The following TRIP13 variants were observed in gnomAD, a reference collection of about 807,000 sequenced individuals.
The protein encoded by TRIP13 is thyroid hormone receptor interactor 13, also known as pachytene checkpoint protein 2 homolog.
A neutral mutation model predicts 54.4 loss-of-function variants in TRIP13; 25 were observed. The observed-to-expected ratio is 0.46, with a 90% confidence interval of 0.33 to 0.64. The LOEUF is 0.64. Among genes scored for constraint, TRIP13 ranks in the 30% least tolerant of loss-of-function variants. The pLI, the probability that TRIP13 is intolerant of heterozygous loss-of-function variation, is 0.02. For synonymous variants in TRIP13, 207 were observed against 207.8 expected, an observed-to-expected ratio of 1.00 and a Z score of 0.03; for missense variants, 373 against 534.2, an observed-to-expected ratio of 0.70 and a Z score of 2.97.
In TRIP13 at chr5:913,213, C is replaced by G. The variant is rs1301597256; in HGVS notation, c.1020+1217C>G. ...GGAAGTCGTGTGTGTTGGAGGTCCT[C>G]ACGCACCTTCAGTGTGGGTTCCAGC... On this transcript the variant is annotated intron_variant, in intron 10 of 12. Transcript: ENST00000166345. This position sits in a 1 kb window ranked among gnomAD's most constrained non-coding sequence, Gnocchi z 4.5. Among the ~76,000 whole-genome samples the G allele has an allele frequency of 1.3e-5, 2 of 152,222 alleles. No individual in the cohort carries two copies. The highest frequency in any genetic ancestry group is 2.9e-5 in the Non-Finnish European group (2 of 68,038).
chr5:911,759 C>T lies in TRIP13; in HGVS notation c.867-84C>T, dbSNP rs1754237683. On this transcript the variant is annotated intron_variant, in intron 9 of 12. Transcript: ENST00000166345. This position sits in a 1 kb window ranked among gnomAD's most constrained non-coding sequence, Gnocchi z 4.7. The stretch of plus-strand genomic sequence containing the variant: ...GGCAGCCTGCTGGCCATCGTCCTGC[C>T]AACCTCCTTGCCAGATAGGGCAGGA... The T allele has an allele frequency of 6.6e-7, 1 of 1,507,834 alleles. No individual in the cohort carries two copies. The highest frequency in any genetic ancestry group is 2.3e-5 in the Admixed American group (1 of 44,276). The allele number at this position is 1,507,834 out of a possible 1,614,324, so 93.4% of individuals were successfully genotyped here.
intron 1 of TRIP13, among the ~76,000 whole-genome samples, chr5:894,580 C>T (rs1753860383): frequency 6.6e-6 from 1 of 152,182 alleles, no homozygotes; most frequent in South Asian, 2.1e-4. Flanking sequence ...TAACTGGGAG[C>T]TGAGGCACAG....
intron 3 of TRIP13, 60 bp from the exon 4 acceptor site, chr5:900,434 T>A (rs547382148): frequency 1.3e-6 from 2 of 1,563,136 alleles, no homozygotes; most frequent in South Asian, 2.2e-5. Flanking sequence ...GGAGACTGAC[T>A]GGGGGTGGCT....
rs758036622 is a variant in TRIP13 at position 901,454 on chromosome 5, T to A, written c.535+23T>A. Reference sequence around the variant, plus strand: ...ACGGTAAATTATGCAGGCTTTTATTTGACCAGATAAGTGGCATGAAATTTA... The same window carrying A: ...ACGGTAAATTATGCAGGCTTTTATTAGACCAGATAAGTGGCATGAAATTTA... On this transcript the variant is annotated intron_variant, in intron 5 of 12. Coordinates refer to ENST00000166345, the MANE Select transcript of TRIP13 (RefSeq NM_004237.4). 6.8e-6 allele frequency: 11 copies of A among 1,610,598 alleles called. No individual in the cohort carries two copies. In the South Asian group the frequency reaches 1.2e-4, roughly 18 times the overall value.
chr5:895,293 C>T (rs1227983380), intron 2 of TRIP13, among the ~76,000 whole-genome samples: 1 of 152,140 alleles, frequency 6.6e-6, no homozygotes, highest in Admixed American at 6.5e-5. Context: ...GTGCTAGGAC[C>T]ATAGGAGGTG....
chr5:904,123 A>G (rs775764592), intron 5 of TRIP13, 25 bp from the exon 6 acceptor site: 19 of 1,593,778 alleles, frequency 1.2e-5, no homozygotes, highest in South Asian at 3.5e-5. Context: ...ACTTAAAAAT[A>G]TATTTGCTTG....
downstream of TRIP13, among the ~76,000 whole-genome samples, chr5:918,810 C>T (rs561928196): frequency 1.1e-3 from 165 of 152,254 alleles, no homozygotes; most frequent in East Asian, 9.7e-4. The surrounding 1 kb of genome is among the most constrained non-coding windows in gnomAD (Gnocchi z 4.3). Flanking sequence ...AGGCCCGTCT[C>T]GCCTTTTCAC....
chr5:894,776 T>TC lies in TRIP13; in HGVS notation c.93-10dup. The TC allele has an allele frequency of 2.5e-6, 4 of 1,588,138 alleles. No individual in the cohort carries two copies. The highest frequency in any genetic ancestry group is 3.4e-6 in the Non-Finnish European group (4 of 1,169,754). ...AAGATCATTTATGTGTGTTTTGGCT[T>TC]CTTTTTTTAGCACTGCAAAGAAAGA... is the stretch of plus-strand genomic sequence containing the variant. On this transcript the variant is annotated splice_polypyrimidine_tract_variant and intron_variant, in intron 1 of 12. Coordinates refer to ENST00000166345, the MANE Select transcript of TRIP13 (RefSeq NM_004237.4).
rs549494460 is a variant in TRIP13, at chr5:908,881, C to G, written c.866+420C>G. On this transcript the variant is annotated intron_variant, in intron 9 of 12. Coordinates refer to ENST00000166345, the MANE Select transcript of TRIP13 (RefSeq NM_004237.4). The surrounding 1 kb of genome is among the most constrained non-coding windows in gnomAD (Gnocchi z 5.2). ...GCTGAGGCAGGAGAATGGTGTGAAC[C>G]CGGGAGGCAGAACTTGCAGTGAGCC... 1 of 186,666 alleles carries G rather than the reference C, an allele frequency of 5.4e-6. No individual in the cohort carries two copies. Among genetic ancestry groups the G allele is most frequent in the South Asian group, 1.2e-4 (1 of 8,340 alleles). 11.6% of individuals were successfully genotyped at this position (186,666 alleles called of 1,614,324 possible).
Position 911,177 on chromosome 5 carries a change from G to A in TRIP13, c.867-666G>A, listed in dbSNP as rs779472416. Among the ~76,000 whole-genome samples, 4 of 152,230 alleles carry A rather than the reference G, an allele frequency of 2.6e-5. No homozygotes were observed. Among genetic ancestry groups the A allele is most frequent in the Non-Finnish European group, 4.4e-5 (3 of 68,030 alleles). On this transcript the variant is annotated intron_variant, in intron 9 of 12. Coordinates refer to ENST00000166345, the MANE Select transcript of TRIP13 (RefSeq NM_004237.4). The surrounding 1 kb of genome is among the most constrained non-coding windows in gnomAD (Gnocchi z 4.7). ...GATCATGAACATGGGAAGTAACCCA[G>A]CTCTAGAGTATGTCTAGGGATGATG...
In TRIP13 at chr5:917,111, C is replaced by T. The variant is rs757140325; in HGVS notation, c.*8C>T. 3.1e-6 allele frequency: 5 copies of T among 1,613,498 alleles called. No homozygotes were observed. The East Asian group carries it at 8.9e-5, about 29-fold the overall frequency. On this transcript the variant is annotated 3_prime_UTR_variant, in exon 13 of 13. Transcript: ENST00000166345. ...CTTGCAGCTTACATCTGATCCTGGG[C>T]TTCCCCATCTGGTGCTTTTCCCATG...
chr5:894,303 A>G (rs1003372785), intron 1 of TRIP13, among the ~76,000 whole-genome samples: 1 of 152,088 alleles, frequency 6.6e-6, no homozygotes, highest in East Asian at 1.9e-4. Flanking sequence ...AGGTGTTAGG[A>G]GGACTGCAGC....
chr5:908,048 G>T lies in TRIP13; in HGVS notation c.733G>T (p.Ala245Ser). ...KIQDLIDDKD[A>S]LVFVLIDEVE... ...TCAGGATTTGATTGATGATAAAGACGCCCTGGTGTTCGTGCTGATTGATGA... is the reference window on the plus strand; with the variant it reads ...TCAGGATTTGATTGATGATAAAGACTCCCTGGTGTTCGTGCTGATTGATGA... The change falls in exon 8 of 13, where the codon GCC (alanine) becomes TCC (serine). Residue 245 changes from alanine to serine, a missense_variant. By Grantham distance (99) the Ala-to-Ser change is moderately conservative. Coordinates refer to ENST00000166345, the MANE Select transcript of TRIP13 (RefSeq NM_004237.4). This position sits in a 1 kb window ranked among gnomAD's most constrained non-coding sequence, Gnocchi z 5.2. The T allele has an allele frequency of 6.2e-7, 1 of 1,614,182 alleles. No individual in the cohort carries two copies. The highest frequency in any genetic ancestry group is 8.5e-7 in the Non-Finnish European group (1 of 1,180,030).
In TRIP13 at chr5:901,202, G is replaced by A. The variant is rs532324419; in HGVS notation, c.445-139G>A. ...TCTTCTGAAATGAAAGCGTTTGGAG[G>A]TGATGATCTCTTAGGAGGCGGCCTC... On this transcript the variant is annotated intron_variant, in intron 4 of 12. Transcript: ENST00000166345. 184 of 606,762 alleles carry A rather than the reference G, an allele frequency of 3.0e-4. No individual in the cohort carries two copies. In the Middle Eastern group the frequency reaches 4.4e-3, roughly 15 times the overall value. The allele number at this position is 606,762 out of a possible 1,614,324, so 37.6% of individuals were successfully genotyped here.
intron 1 of TRIP13, 29 bp from the exon 2 acceptor site, chr5:894,758 T>C: frequency 6.3e-7 from 1 of 1,579,912 alleles, no homozygotes; most frequent in South Asian, 1.2e-5. Flanking sequence ...ACTAAGATCA[T>C]TTATGTGTGT....
rs1181750405 is a variant in TRIP13, at chr5:912,249, T to C, written c.1020+253T>C. The stretch of plus-strand genomic sequence containing the variant: ...GTTCATTATTTGAGGTACCAGTCAG[T>C]GTAGGGGACGTCAGTGACCGGCTGT... On this transcript the variant is annotated intron_variant, in intron 10 of 12. Coordinates refer to ENST00000166345, the MANE Select transcript of TRIP13 (RefSeq NM_004237.4). The surrounding 1 kb of genome is among the most constrained non-coding windows in gnomAD (Gnocchi z 7.2). Among the ~76,000 whole-genome samples the C allele has an allele frequency of 6.6e-6, 1 of 152,062 alleles. No homozygotes were observed. Among genetic ancestry groups the C allele is most frequent in the Non-Finnish European group, 1.5e-5 (1 of 68,012 alleles).
intron 2 of TRIP13, among the ~76,000 whole-genome samples, chr5:895,426 C>G (rs1482687414): frequency 3.3e-5 from 5 of 152,074 alleles, no homozygotes; most frequent in African/African-American, 1.2e-4. Context: ...TGTGTGAGGG[C>G]GTGGAGGCAT....
rs1456718310 is a variant in TRIP13 at position 908,146 on chromosome 5, G to C, written c.759+72G>C. 32 of 1,550,264 alleles carry C rather than the reference G, an allele frequency of 2.1e-5. No homozygotes were observed. The highest frequency in any genetic ancestry group is 2.8e-5 in the Non-Finnish European group (32 of 1,122,814). The stretch of plus-strand genomic sequence containing the variant: ...CATTGTGGGGACACAGCCTACTCCT[G>C]ATGCTCCTAGCTTTCCCCTCCTACA... On this transcript the variant is annotated intron_variant, in intron 8 of 12. Coordinates refer to ENST00000166345, the MANE Select transcript of TRIP13 (RefSeq NM_004237.4). The surrounding 1 kb of genome is among the most constrained non-coding windows in gnomAD (Gnocchi z 5.2).
intron 3 of TRIP13, 66 bp from the exon 4 acceptor site, chr5:900,428 A>G (rs1753958512): frequency 6.5e-7 from 1 of 1,533,120 alleles, no homozygotes; most frequent in Non-Finnish European, 9.0e-7. Context: ...CTCAGGGGAG[A>G]CTGACTGGGG....
Sources: gnomAD v4.1 joint callset for allele counts (sites outside exome capture counted in the v4.1 genomes callset) on GRCh38, gnomAD v4.1.1 for gene constraint, Gnocchi (gnomAD v3.1) non-coding constraint, MANE v1.5 for transcripts, NCBI Gene and HGNC (gene_info 2026-07-23, HGNC 2026-07-21) for gene names.